The following EYS variants were observed in gnomAD, a reference collection of about 807,000 sequenced individuals.
The protein encoded by EYS is EGF-like photoreceptor maintenance factor.
In EYS, 250 loss-of-function variants were observed where a neutral mutation model predicts 282.1. That is an observed-to-expected ratio of 0.89 (90% CI 0.80 to 0.98). EYS has a LOEUF of 0.98. Ranked by LOEUF, EYS falls within the 50% of genes least tolerant of loss-of-function variation. The probability of loss-of-function intolerance (pLI) is 0.00; values close to 1 mark genes in which losing one functional copy is unlikely to be tolerated. For missense variants in EYS, 4,016 were observed against 3,709.0 expected (o/e 1.08, Z -2.15); for synonymous variants, 1,355 against 1,282.9 (o/e 1.06, Z -1.20).
chr6:64,041,982 C>T (rs1770412093), intron 33 of EYS, among the ~76,000 whole-genome samples: 2 of 152,094 alleles, frequency 1.3e-5, no homozygotes, highest in Non-Finnish European at 2.9e-5. Flanking sequence ...CACTCACTCC[C>T]CTCTTCATAG....
intron 31 of EYS, among the ~76,000 whole-genome samples, chr6:64,212,656 TTGG>T (rs1765814638): frequency 6.6e-6 from 1 of 151,916 alleles, no homozygotes; most frequent in Non-Finnish European, 1.5e-5. Flanking sequence ...TTATACACTG[TTGG>T]TGGGAGTGTA....
chr6:64,491,117 A>C lies in EYS; in HGVS notation c.5645-51765T>G, dbSNP rs1045149607. On this transcript the variant is annotated intron_variant, in intron 26 of 42. Coordinates refer to ENST00000503581, the MANE Select transcript of EYS (RefSeq NM_001142800.2). Reference sequence around the variant, plus strand: ...GGGGTGGATAATAATAAGAAGAAGAATATCATCCAATATGAAGAGCTTTTA... The same window carrying C: ...GGGGTGGATAATAATAAGAAGAAGACTATCATCCAATATGAAGAGCTTTTA... Among the ~76,000 whole-genome samples the C allele has an allele frequency of 2.0e-5, 3 of 150,952 alleles. No individual in the cohort carries two copies. The Admixed American group carries it at 2.0e-4, about 10-fold the overall frequency.
intron 39 of EYS, among the ~76,000 whole-genome samples, chr6:63,786,494 C>T (rs1770364188): frequency 1.3e-5 from 2 of 148,780 alleles, no homozygotes; most frequent in East Asian, 4.0e-4. Context: ...TGAAAATGCA[C>T]GGACACAGGG....
At chr6:64,115,002 C>A (rs1051373595) in intron 31 of EYS, among the ~76,000 whole-genome samples, 5 of 152,110 alleles carry the variant, frequency 3.3e-5, no homozygotes, top group African/African-American at 1.2e-4. Context: ...GGAGCCACTG[C>A]CAAAATGAGG....
At chr6:65,189,052 T>C (rs1397073735) in intron 12 of EYS, among the ~76,000 whole-genome samples, 1 of 151,624 alleles carries the variant, frequency 6.6e-6, no homozygotes, top group East Asian at 1.9e-4. Flanking sequence ...CTTAATTATA[T>C]AGTTACAGTT....
At chr6:64,080,418 T>C (rs1245703114) in intron 32 of EYS, among the ~76,000 whole-genome samples, 1 of 152,228 alleles carries the variant, frequency 6.6e-6, no homozygotes, top group African/African-American at 2.4e-5. Context: ...TTGTTTTTTT[T>C]CTTGTAAATT....
Position 65,025,605 on chromosome 6 carries a change from G to A in EYS, c.2138-27902C>T, listed in dbSNP as rs775149552. Among the ~76,000 whole-genome samples, 20 of 152,214 alleles carry A rather than the reference G, an allele frequency of 1.3e-4. No individual in the cohort carries two copies. In the East Asian group the frequency reaches 2.5e-3, roughly 19 times the overall value. ...AGAGCTATGCATTCATCCCAGCTGC[G>A]CAAGAGGCTGAGGCACGAGAACTGT... On this transcript the variant is annotated intron_variant, in intron 13 of 42. Transcript: ENST00000503581.
At chr6:65,685,455 C>A (rs976931326) in intron 1 of EYS, among the ~76,000 whole-genome samples, 1 of 151,932 alleles carries the variant, frequency 6.6e-6, no homozygotes, top group Non-Finnish European at 1.5e-5. Context: ...TAAAATTTTT[C>A]TTTTAATTGA....
At chr6:63,739,892 G>C (rs1164746567) in intron 41 of EYS, among the ~76,000 whole-genome samples, 3 of 147,300 alleles carry the variant, frequency 2.0e-5, no homozygotes, top group African/African-American at 7.6e-5. Flanking sequence ...TAGAGACGGG[G>C]TTTTGCCATG....
chr6:64,894,027 C>T (rs1056186636), intron 18 of EYS, among the ~76,000 whole-genome samples: 2 of 152,046 alleles, frequency 1.3e-5, no homozygotes, highest in Non-Finnish European at 2.9e-5. Flanking sequence ...TTTAATACTT[C>T]ACTAAATATG....
chr6:65,000,795 A>G (rs1392449611), intron 13 of EYS, among the ~76,000 whole-genome samples: 1 of 152,230 alleles, frequency 6.6e-6, no homozygotes, highest in Non-Finnish European at 1.5e-5. Context: ...ACAAACCTGT[A>G]ACAACAAAAT....
intron 22 of EYS, among the ~76,000 whole-genome samples, chr6:64,742,026 C>T (rs1431668910): frequency 1.3e-5 from 2 of 152,100 alleles, no homozygotes; most frequent in Admixed American, 6.5e-5. Context: ...GTGCAAGAGG[C>T]CCAGATTTCA....
intron 26 of EYS, among the ~76,000 whole-genome samples, chr6:64,571,147 C>T (rs977651654): frequency 6.6e-6 from 1 of 152,244 alleles, no homozygotes; most frequent in South Asian, 2.1e-4. Flanking sequence ...CACACAACTA[C>T]ATGGAAACTG....
intron 35 of EYS, among the ~76,000 whole-genome samples, chr6:63,927,652 A>G (rs1184869718): frequency 6.6e-6 from 1 of 152,156 alleles, no homozygotes; most frequent in Non-Finnish European, 1.5e-5. Context: ...TAACTCCTTA[A>G]CTTTAACTCT....
intron 29 of EYS, among the ~76,000 whole-genome samples, chr6:64,316,357 A>T (rs1769963237): frequency 6.6e-6 from 1 of 152,156 alleles, no homozygotes; most frequent in East Asian, 1.9e-4. Context: ...CTGATAAACA[A>T]CTTCAGCAAA....
At chr6:64,630,329 C>T (rs1237373023) in intron 22 of EYS, among the ~76,000 whole-genome samples, 2 of 152,108 alleles carry the variant, frequency 1.3e-5, no homozygotes, top group Non-Finnish European at 2.9e-5. Flanking sequence ...GATCTCCTGA[C>T]CTCGTGATCC....
intron 22 of EYS, among the ~76,000 whole-genome samples, chr6:64,636,073 G>C (rs569056371): frequency 4.1e-4 from 62 of 152,034 alleles, no homozygotes; most frequent in Non-Finnish European, 7.6e-4. Context: ...TTTATTCACA[G>C]AATTGGAAGA....
chr6:63,921,289 G>T (rs554925985), intron 35 of EYS, among the ~76,000 whole-genome samples: 2 of 152,184 alleles, frequency 1.3e-5, no homozygotes, highest in African/African-American at 4.8e-5. Context: ...AAAGCACTTC[G>T]AAAAATATGA....
At chr6:64,172,253 C>A (rs1266352884) in intron 31 of EYS, among the ~76,000 whole-genome samples, 1 of 151,724 alleles carries the variant, frequency 6.6e-6, no homozygotes, top group East Asian at 1.9e-4. Context: ...CTTGAGATCT[C>A]TTCTATTAAA....
Sources: gnomAD v4.1 joint callset for allele counts (sites outside exome capture counted in the v4.1 genomes callset) on GRCh38, gnomAD v4.1.1 for gene constraint, MANE v1.5 for transcripts, NCBI Gene and HGNC (gene_info 2026-07-23, HGNC 2026-07-21) for gene names.